The following DDX10 variants were observed in gnomAD, a reference collection of about 807,000 sequenced individuals.
DDX10 encodes the protein probable ATP-dependent RNA helicase DDX10.
A neutral mutation model predicts 104.3 loss-of-function variants in DDX10; 74 were observed. The observed-to-expected ratio is 0.71, with a 90% CI of 0.59 to 0.86. The LOEUF is 0.86. DDX10 is among the 40% of genes least tolerant of loss of function. DDX10 has a pLI of 0.00. For synonymous variants in DDX10, 351 were observed against 353.4 expected (o/e 0.99, Z 0.08); for missense variants, 952 against 1,040.0 (o/e 0.92, Z 1.16).
intron 13 of DDX10, among the ~76,000 whole-genome samples, chr11:108,813,235 C>T (rs1032594791): frequency 1.3e-5 from 2 of 152,120 alleles, no homozygotes; most frequent in African/African-American, 2.4e-5. Context: ...GTAAATTGCA[C>T]TAATTCACAT....
intron 5 of DDX10, among the ~76,000 whole-genome samples, chr11:108,679,046 G>A (rs2094230611): frequency 2.0e-5 from 3 of 151,602 alleles, no homozygotes; most frequent in African/African-American, 7.3e-5. Flanking sequence ...TTTAGTAGAG[G>A]CGGGGTTTCA....
intron 11 of DDX10, among the ~76,000 whole-genome samples, chr11:108,719,169 C>G (rs1591800273): frequency 7.3e-6 from 1 of 137,620 alleles, no homozygotes; most frequent in Non-Finnish European, 1.5e-5. Flanking sequence ...TACTTGAAAT[C>G]ATAAAAAAGA....
Position 108,917,975 on chromosome 11 carries a change from A to G in DDX10, c.2407A>G (p.Ser803Gly). 6.2e-7 allele frequency: 1 copy of G among 1,613,722 alleles called. No individual in the cohort carries two copies. The highest frequency in any genetic ancestry group is 8.5e-7 in the Non-Finnish European group (1 of 1,179,954). Residue 803 changes from serine (S) to glycine (G), a missense_variant, in exon 17 of 18, where the codon AGC (serine) becomes GGC (glycine). Physicochemically the swap from Ser to Gly is moderately conservative, Grantham distance 56 (BLOSUM62 0). Transcript: ENST00000322536. ...ACTCCCAGATCCAGATAAATACAGAAGCTCTGAAGATTCAGATAGTGAAGA... is the reference window on the plus strand; with the variant it reads ...ACTCCCAGATCCAGATAAATACAGAGGCTCTGAAGATTCAGATAGTGAAGA... Reference protein sequence around the residue: ...STLPDPDKYRSSEDSDSEDME... With the variant: ...STLPDPDKYRGSEDSDSEDME...
intron 13 of DDX10, among the ~76,000 whole-genome samples, chr11:108,836,924 G>A (rs1403891142): frequency 6.6e-6 from 1 of 152,090 alleles, no homozygotes; most frequent in Non-Finnish European, 1.5e-5. Flanking sequence ...AAAGCTTCTG[G>A]TAATTATAGA....
At chr11:108,700,025 G>A (rs1439849805) in intron 9 of DDX10, among the ~76,000 whole-genome samples, 1 of 152,116 alleles carries the variant, frequency 6.6e-6, no homozygotes, top group Non-Finnish European at 1.5e-5. Flanking sequence ...AACAACCATG[G>A]TGCATCCTAT....
In DDX10 at chr11:108,723,354, T is replaced by A. The variant is rs1275862047; in HGVS notation, c.1857T>A (p.Val619=). 4 of 1,613,964 alleles carry A rather than the reference T, an allele frequency of 2.5e-6. No homozygotes were observed. Among genetic ancestry groups the A allele is most frequent in the Non-Finnish European group, 2.5e-6 (3 of 1,179,920 alleles). ...GTGAGGCACAGAAGATCAAGGAAGT[T>A]CCTACACAGTTCTTGGACAGAGATG... ...NTSEAQKIKE[V]PTQFLDRDEE... The change falls in exon 13 of 18, where the codon GTT becomes GTA. Residue 619 remains valine (V), a synonymous_variant. Transcript: ENST00000322536.
chr11:108,688,835 T>G, intron 6 of DDX10, 101 bp from the exon 7 acceptor site: 25 of 1,321,268 alleles, frequency 1.9e-5, no homozygotes, highest in Non-Finnish European at 2.3e-5. Context: ...GAAATTTGCT[T>G]GAGAGATGTG....
chr11:108,777,601 G>A (rs1196001947), intron 13 of DDX10, among the ~76,000 whole-genome samples: 1 of 152,198 alleles, frequency 6.6e-6, no homozygotes, highest in African/African-American at 2.4e-5. Flanking sequence ...GGGATTACAG[G>A]TGTGAGCCAC....
intron 13 of DDX10, among the ~76,000 whole-genome samples, chr11:108,767,605 A>G (rs1433854518): frequency 6.6e-6 from 1 of 152,156 alleles, no homozygotes; most frequent in African/African-American, 2.4e-5. Context: ...TAGTTTTCCT[A>G]CTTAGATTCT....
At chr11:108,869,646 A>G (rs1275419995) in intron 16 of DDX10, among the ~76,000 whole-genome samples, 1 of 152,054 alleles carries the variant, frequency 6.6e-6, no homozygotes, top group East Asian at 1.9e-4. Context: ...AAACTTCAAA[A>G]TCTTTTTTTT....
At chr11:108,862,865 CAAGGGTGATGA>C (rs1399235760) in intron 16 of DDX10, among the ~76,000 whole-genome samples, 1 of 152,100 alleles carries the variant, frequency 6.6e-6, no homozygotes, top group Non-Finnish European at 1.5e-5. Context: ...TAAAGGAACA[CAAGGGTGATGA>C]AAGGGACATT....
At chr11:108,912,811 A>G (rs1367416901) in intron 16 of DDX10, among the ~76,000 whole-genome samples, 2 of 152,204 alleles carry the variant, frequency 1.3e-5, no homozygotes, top group Non-Finnish European at 2.9e-5. Flanking sequence ...CTATTGCTTC[A>G]CTAAGCCAGA....
intron 2 of DDX10, among the ~76,000 whole-genome samples, chr11:108,674,537 G>T (rs568947685): frequency 6.7e-5 from 10 of 150,034 alleles, no homozygotes; most frequent in East Asian, 3.9e-4. Context: ...TTAAGATAGG[G>T]TCTTGCTCCG....
chr11:108,803,438 A>G (rs1377371471), intron 13 of DDX10, among the ~76,000 whole-genome samples: 1 of 151,984 alleles, frequency 6.6e-6, no homozygotes, highest in Non-Finnish European at 1.5e-5. Context: ...TACTAAAAAT[A>G]AAAAAATTAG....
At chr11:108,915,434 T>G (rs978265668) in intron 16 of DDX10, among the ~76,000 whole-genome samples, 1 of 116,910 alleles carries the variant, frequency 8.6e-6, no homozygotes, top group Non-Finnish European at 1.6e-5. Flanking sequence ...AAAGGCTTGT[T>G]TTTTTTTTTT....
intron 7 of DDX10, 72 bp downstream of exon 7, chr11:108,689,134 A>C: frequency 3.3e-6 from 5 of 1,497,288 alleles, no homozygotes; most frequent in Non-Finnish European, 4.6e-6. Context: ...CAATTAGACA[A>C]ATTATTATAT....
chr11:108,803,306 T>C (rs950705878), intron 13 of DDX10, among the ~76,000 whole-genome samples: 9 of 151,994 alleles, frequency 5.9e-5, no homozygotes, highest in Non-Finnish European at 1.0e-4. Context: ...GAATCTTTGT[T>C]TTTCAGGCCA....
intron 13 of DDX10, among the ~76,000 whole-genome samples, chr11:108,726,288 T>C (rs1217887647): frequency 2.6e-5 from 4 of 152,076 alleles, no homozygotes; most frequent in African/African-American, 9.6e-5. Context: ...GATGACTTCA[T>C]TGAGGTTGCA....
chr11:108,706,455 T>A (rs1303986799), intron 9 of DDX10, among the ~76,000 whole-genome samples: 1 of 152,192 alleles, frequency 6.6e-6, no homozygotes, highest in Non-Finnish European at 1.5e-5. Flanking sequence ...CTCCTTGTTA[T>A]ATGGGTAGAG....
Sources: gnomAD v4.1 joint callset for allele counts (sites outside exome capture counted in the v4.1 genomes callset) on GRCh38, gnomAD v4.1.1 for gene constraint, MANE v1.5 for transcripts, NCBI Gene and HGNC (gene_info 2026-07-23, HGNC 2026-07-21) for gene names.